ZKSCAN8: variants seen among roughly 807,000 people sequenced by gnomAD.
ZKSCAN8 encodes zinc finger with KRAB and SCAN domains 8, also known as zinc finger protein with KRAB and SCAN domains 8.
A neutral mutation model predicts 57.2 loss-of-function variants in ZKSCAN8; 27 were observed. The ratio of observed to expected loss-of-function variants is 0.47; its 90% CI spans 0.35 to 0.65. The LOEUF is 0.65. Ranked by LOEUF, ZKSCAN8 falls within the 30% of genes least tolerant of loss-of-function variation. The probability of loss-of-function intolerance (pLI) is 0.01; values close to 1 mark genes in which losing one functional copy is unlikely to be tolerated. For missense variants in ZKSCAN8, 597 were observed against 696.3 expected, an observed-to-expected ratio of 0.86 and a Z score of 1.60; for synonymous variants, 214 against 248.7, an observed-to-expected ratio of 0.86 and a Z score of 1.31.
rs188123704 is a variant in ZKSCAN8, at chr6:28,157,385, T to C, written c.*3368T>C. The stretch of plus-strand genomic sequence containing the variant: ...ATGGGACACAGCCAAACCATATCAA[T>C]AGGTATTATTTTATCCCCCATTTTA... On this transcript the variant is annotated 3_prime_UTR_variant, in exon 6 of 6. Coordinates refer to ENST00000330236, the MANE Select transcript of ZKSCAN8 (RefSeq NM_006298.4). 1 of 152,102 alleles carries C rather than the reference T, an allele frequency of 6.6e-6. No homozygotes were observed. The highest frequency in any genetic ancestry group is 2.4e-5 in the African/African-American group (1 of 41,418). The allele number at this position is 152,102 out of a possible 1,614,324, so 9.4% of individuals were successfully genotyped here. A position where few individuals can be genotyped will look rare whatever the true frequency, so the allele number is the denominator to read the frequency against.
At chr6:28,145,005 C>T (rs560440719) in intron 1 of ZKSCAN8, among the ~76,000 whole-genome samples, 136 of 152,158 alleles carry the variant, frequency 8.9e-4, no homozygotes, top group African/African-American at 3.0e-3. Flanking sequence ...TGCAGTGAGC[C>T]GAGTTCGCGC....
intron 4 of ZKSCAN8, 142 bp downstream of exon 4, chr6:28,152,078 T>TAGGCAAAA: frequency 7.3e-7 from 1 of 1,363,104 alleles, no homozygotes; most frequent in Non-Finnish European, 1.0e-6. Context: ...AGGGACAGAT[T>TAGGCAAAA]GATCCTGAAT....
chr6:28,146,065 G>A (rs1490104288), intron 1 of ZKSCAN8, among the ~76,000 whole-genome samples: 4 of 152,180 alleles, frequency 2.6e-5, no homozygotes, highest in Non-Finnish European at 5.9e-5. Flanking sequence ...ACCAAGGATG[G>A]AAACCATAGA....
At chr6:28,149,824 C>CT (rs200182974) in intron 3 of ZKSCAN8, among the ~76,000 whole-genome samples, 200 bp downstream of exon 3, 27,064 of 144,916 alleles carry the variant, frequency 0.19, 2,688 homozygotes, top group African/African-American at 0.28. Context: ...AATAATTTGA[C>CT]TTTTTTTTTT....
intron 2 of ZKSCAN8, among the ~76,000 whole-genome samples, 173 bp from the exon 3 acceptor site, chr6:28,149,305 GCCTTT>G (rs1164056678): frequency 6.6e-6 from 1 of 152,168 alleles, no homozygotes; most frequent in Non-Finnish European, 1.5e-5. Context: ...CAAAAATGAT[GCCTTT>G]CTTTCTGTGC....
chr6:28,149,490 C>G lies in ZKSCAN8; in HGVS notation c.425C>G (p.Ala142Gly). ...QIDILGRPVS[A>G]RVHGHRVLWE... Reference sequence around the variant, plus strand: ...ACTGTCTGTTGTTTCCAGGTCTCAGCTCGCGTACATGGACATAGGGTACTC... The same window carrying G: ...ACTGTCTGTTGTTTCCAGGTCTCAGGTCGCGTACATGGACATAGGGTACTC... Residue 142 changes from alanine to glycine, a missense_variant, in exon 3 of 6, where the codon GCT becomes GGT. Ala to Gly is a moderately conservative substitution (Grantham distance 60). Coordinates refer to ENST00000330236, the MANE Select transcript of ZKSCAN8 (RefSeq NM_006298.4). 6.2e-7 allele frequency: 1 copy of G among 1,613,740 alleles called. No homozygotes were observed. Among genetic ancestry groups the G allele is most frequent in the Non-Finnish European group, 8.5e-7 (1 of 1,179,862 alleles).
chr6:28,153,747 C>A lies in ZKSCAN8; in HGVS notation c.1467C>A (p.Pro489=). ...GHQRSHTGEK[P]YKCNECGRAF... ...AGAGGAGCCACACTGGGGAGAAACC[C>A]TACAAATGCAATGAGTGTGGGAGGG... The change falls in exon 6 of 6, where the codon CCC becomes CCA. Residue 489 remains proline (P), a synonymous_variant. Coordinates refer to ENST00000330236, the MANE Select transcript of ZKSCAN8 (RefSeq NM_006298.4). The A allele has an allele frequency of 1.2e-6, 2 of 1,613,768 alleles. No individual in the cohort carries two copies. The highest frequency in any genetic ancestry group is 2.7e-5 in the African/African-American group (2 of 74,954).
intron 3 of ZKSCAN8, among the ~76,000 whole-genome samples, chr6:28,151,496 A>G (rs1183440766): frequency 4.6e-5 from 7 of 152,218 alleles, no homozygotes; most frequent in Admixed American, 1.3e-4. Flanking sequence ...TGATTCTGAT[A>G]CTTGGTTTGC....
At position 28,148,074 on chromosome 6, in the gene ZKSCAN8, T is replaced by C. The variant is rs112583577; in HGVS notation, c.-92-242T>C. 1.4e-3 allele frequency among the ~76,000 whole-genome samples: 206 copies of C among 152,300 alleles called. 7 individuals are homozygous for C. The South Asian group carries it at 0.034, about 25-fold the overall frequency. ...ATGGTTTCCTGACTTTGCTTAGCCATGTTCCACATCCCCAAACAGGGTGAT... is the reference window on the plus strand; with the variant it reads ...ATGGTTTCCTGACTTTGCTTAGCCACGTTCCACATCCCCAAACAGGGTGAT... On this transcript the variant is annotated intron_variant, in intron 1 of 5. Coordinates refer to ENST00000330236, the MANE Select transcript of ZKSCAN8 (RefSeq NM_006298.4).
At chr6:28,145,481 C>G (rs1209437132) in intron 1 of ZKSCAN8, among the ~76,000 whole-genome samples, 1 of 151,774 alleles carries the variant, frequency 6.6e-6, no homozygotes, top group African/African-American at 2.4e-5. Context: ...GGAGGTGAGT[C>G]ATGTTAGTCA....
At chr6:28,150,477 C>T (rs1319201719) in intron 3 of ZKSCAN8, among the ~76,000 whole-genome samples, 1 of 152,094 alleles carries the variant, frequency 6.6e-6, no homozygotes, top group Non-Finnish European at 1.5e-5. Context: ...TAAGGTTATT[C>T]TTGCAGGGTT....
chr6:28,146,099 A>T (rs1765386026), intron 1 of ZKSCAN8, among the ~76,000 whole-genome samples: 1 of 152,230 alleles, frequency 6.6e-6, no homozygotes, highest in Non-Finnish European at 1.5e-5. Flanking sequence ...AAGAAATAGG[A>T]TCATGAAATT....
intron 4 of ZKSCAN8, 138 bp downstream of exon 4, chr6:28,152,074 AG>A: frequency 7.3e-7 from 1 of 1,360,718 alleles, no homozygotes; most frequent in Non-Finnish European, 1.0e-6. Context: ...GCCTAGGGAC[AG>A]ATTGATCCTG....
At position 28,153,437 on chromosome 6, in the gene ZKSCAN8, C is replaced by T. The variant is rs752440213; in HGVS notation, c.1157C>T (p.Ala386Val). ...TATCACTGTAAGGAGTGTGGCAAAG[C>T]CTTCAGTCAGAACACAGGCCTGATT... Reference protein sequence around the residue: ...KRYHCKECGKAFSQNTGLILH... With the variant: ...KRYHCKECGKVFSQNTGLILH... Residue 386 changes from alanine (A) to valine (V), a missense_variant, in exon 6 of 6, where the codon GCC becomes GTC. Physicochemically the swap from Ala to Val is moderately conservative, Grantham distance 64. Transcript: ENST00000330236. 2 of 1,614,080 alleles carry T rather than the reference C, an allele frequency of 1.2e-6. No individual in the cohort carries two copies. The highest frequency in any genetic ancestry group is 1.1e-5 in the South Asian group (1 of 91,080).
chr6:28,148,321 C>T lies in ZKSCAN8; in HGVS notation c.-87C>T. ...ATCATATTTTCTTCATGAAGAAGTA[C>T]CCTTAGAAAGAGGCCCTCAGAAGAG... On this transcript the variant is annotated 5_prime_UTR_variant, in exon 2 of 6. Transcript: ENST00000330236. 7.3e-7 allele frequency: 1 copy of T among 1,378,694 alleles called. No homozygotes were observed. The highest frequency in any genetic ancestry group is 9.8e-7 in the Non-Finnish European group (1 of 1,019,662). The allele number at this position is 1,378,694 out of a possible 1,614,324, so 85.4% of individuals were successfully genotyped here. A position where few individuals can be genotyped will look rare whatever the true frequency, so the allele number is the denominator to read the frequency against.
rs1765310242 is a variant in ZKSCAN8, at chr6:28,144,116, GT to G, written c.-93+2089del. 1.3e-5 allele frequency among the ~76,000 whole-genome samples: 2 copies of G among 152,058 alleles called. No individual in the cohort carries two copies. The highest frequency in any genetic ancestry group is 4.1e-4 in the South Asian group (2 of 4,828). On this transcript the variant is annotated intron_variant, in intron 1 of 5. Transcript: ENST00000330236. The surrounding 1 kb of genome is among the most constrained non-coding windows in gnomAD (Gnocchi z 4.5). ...TGATCTGTAGTTTACTCTCCACCCT[GT>G]TGTTCCCGGCCTTGTCTAACTTGAA...
At chr6:28,152,149 AG>A in intron 4 of ZKSCAN8, 111 bp from the exon 5 acceptor site, 1 of 1,485,278 alleles carries the variant, frequency 6.7e-7, no homozygotes, top group Non-Finnish European at 9.1e-7. Context: ...CCCTTTACAT[AG>A]TACATTCCCA....
chr6:28,151,890 C>T lies in ZKSCAN8; in HGVS notation c.605C>T (p.Ser202Phe). 6.2e-7 allele frequency: 1 copy of T among 1,614,188 alleles called. No individual in the cohort carries two copies. Among genetic ancestry groups the T allele is most frequent in the Non-Finnish European group, 8.5e-7 (1 of 1,180,034 alleles). Residue 202 changes from serine (S) to phenylalanine (F), a missense_variant, in exon 4 of 6, where the codon TCT becomes TTT. Ser to Phe is a radical substitution (Grantham distance 155, BLOSUM62 -2). Transcript: ENST00000330236. ...QSPTRSQKGS[S>F]GDQEMTATLL... ...CCTACTCGTTCCCAGAAAGGAAGTT[C>T]TGGAGACCAGGAAATGACAGCTACA... is the stretch of plus-strand genomic sequence containing the variant.
chr6:28,145,071 A>AG (rs1765348180), intron 1 of ZKSCAN8, among the ~76,000 whole-genome samples: 1 of 152,084 alleles, frequency 6.6e-6, no homozygotes, highest in Admixed American at 6.5e-5. Context: ...AAAAAAAAAA[A>AG]GAGTTGAATG....
Sources: gnomAD v4.1 joint callset for allele counts (sites outside exome capture counted in the v4.1 genomes callset) on GRCh38, gnomAD v4.1.1 for gene constraint, Gnocchi (gnomAD v3.1) non-coding constraint, MANE v1.5 for transcripts, NCBI Gene and HGNC (gene_info 2026-07-23, HGNC 2026-07-21) for gene names.